Variants in FAT3 observed in about 807,000 individuals in gnomAD.
The protein encoded by FAT3 is protocadherin Fat 3.
Under a neutral mutation model 310.2 loss-of-function variants are expected in FAT3, and 95 were observed. That is an observed-to-expected ratio of 0.31 (90% CI 0.26 to 0.36). The LOEUF (loss-of-function observed/expected upper bound fraction) is 0.36, where lower values mean the gene tolerates loss of function less well. FAT3 is among the 10% of genes least tolerant of loss of function. The probability of loss-of-function intolerance (pLI) is 1.00; values close to 1 mark genes in which losing one functional copy is unlikely to be tolerated. For missense variants in FAT3, 5,408 were observed against 5,715.6 expected (o/e 0.95, Z 1.74); for synonymous variants, 2,314 against 2,192.9 (o/e 1.06, Z -1.54).
chr11:92,284,670 A>G (rs534611197), intron 1 of FAT3, among the ~76,000 whole-genome samples: 1 of 152,098 alleles, frequency 6.6e-6, no homozygotes, highest in South Asian at 2.1e-4. Context: ...TTTTAGATGA[A>G]CTTTGCAGAG....
At chr11:92,262,889 T>A (rs1359469324) in intron 1 of FAT3, among the ~76,000 whole-genome samples, 1 of 152,048 alleles carries the variant, frequency 6.6e-6, no homozygotes, top group Non-Finnish European at 1.5e-5. Flanking sequence ...AATAAAAGAA[T>A]ACAGAATCAT....
chr11:92,716,261 G>A (rs1412786052), intron 4 of FAT3, among the ~76,000 whole-genome samples: 2 of 152,200 alleles, frequency 1.3e-5, no homozygotes, highest in African/African-American at 4.8e-5. Context: ...ATGGATGTCA[G>A]AAGCTGGTGT....
intron 6 of FAT3, 60 bp downstream of exon 6, chr11:92,765,149 GA>G (rs140929549): frequency 0.12 from 114,078 of 941,376 alleles, 449 homozygotes; most frequent in East Asian, 0.3. Flanking sequence ...AAGCAACTAG[GA>G]AAAAAAAAAA....
At chr11:92,574,913 T>G (rs1328052950) in intron 3 of FAT3, among the ~76,000 whole-genome samples, 1 of 152,102 alleles carries the variant, frequency 6.6e-6, no homozygotes, top group Non-Finnish European at 1.5e-5. Flanking sequence ...AGGCTTCCAG[T>G]GTTTCCCTCA....
At chr11:92,437,756 C>T (rs191731177) in intron 2 of FAT3, among the ~76,000 whole-genome samples, 11 of 152,150 alleles carry the variant, frequency 7.2e-5, no homozygotes, top group Admixed American at 3.9e-4. Flanking sequence ...GTGCATGAAT[C>T]GAAGTAGTAA....
chr11:92,411,161 A>AAT (rs1555037831), intron 2 of FAT3, among the ~76,000 whole-genome samples: 11 of 142,802 alleles, frequency 7.7e-5, no homozygotes, highest in African/African-American at 2.8e-4. Context: ...ATATATATAT[A>AAT]ATATATATAT....
chr11:92,695,585 C>T (rs1021415997), intron 3 of FAT3, among the ~76,000 whole-genome samples: 1 of 152,244 alleles, frequency 6.6e-6, no homozygotes. Context: ...AAACACATTC[C>T]AAGTCTGTAG....
At chr11:92,283,218 T>A (rs1291707874) in intron 1 of FAT3, among the ~76,000 whole-genome samples, 1 of 152,150 alleles carries the variant, frequency 6.6e-6, no homozygotes, top group African/African-American at 2.4e-5. Flanking sequence ...ACCATTTTAT[T>A]TCCACTAAAA....
chr11:92,569,032 G>A (rs964111409), intron 3 of FAT3, among the ~76,000 whole-genome samples: 1 of 152,076 alleles, frequency 6.6e-6, no homozygotes, highest in African/African-American at 2.4e-5. Flanking sequence ...TAATTTTGGG[G>A]GGTTGAAAGG....
intron 2 of FAT3, among the ~76,000 whole-genome samples, chr11:92,487,051 G>T (rs1399546459): frequency 6.6e-6 from 1 of 152,186 alleles, no homozygotes; most frequent in African/African-American, 2.4e-5. Flanking sequence ...AACATCTTCT[G>T]CCCCTTATTC....
chr11:92,834,214 A>G (rs1196417249), intron 14 of FAT3, among the ~76,000 whole-genome samples: 4 of 152,146 alleles, frequency 2.6e-5, no homozygotes, highest in African/African-American at 4.8e-5. Flanking sequence ...TATTTAAGCA[A>G]TTCTGTGACA....
At chr11:92,886,912 G>C (rs1246572621) in intron 24 of FAT3, 88 bp from the exon 25 acceptor site, 1 of 1,036,268 alleles carries the variant, frequency 9.7e-7, no homozygotes. Context: ...GCCTCGAGAA[G>C]TGAACTAGCT....
intron 2 of FAT3, among the ~76,000 whole-genome samples, chr11:92,487,670 A>G (rs1952459763): frequency 6.6e-6 from 1 of 152,242 alleles, no homozygotes; most frequent in South Asian, 2.1e-4. Flanking sequence ...TACAATCTAG[A>G]AAATGGCAGA....
chr11:92,581,966 A>G (rs1277995706), intron 3 of FAT3, among the ~76,000 whole-genome samples: 1 of 152,052 alleles, frequency 6.6e-6, no homozygotes, highest in Non-Finnish European at 1.5e-5. Context: ...TGGCTGCTTC[A>G]TAGACAGAGC....
At chr11:92,564,213 CA>C in intron 3 of FAT3, among the ~76,000 whole-genome samples, 1 of 151,424 alleles carries the variant, frequency 6.6e-6, no homozygotes, top group Middle Eastern at 3.4e-3. Context: ...AAATGGAAAA[CA>C]AAAAAAGGCA....
At chr11:92,661,794 A>AT (rs1362363799) in intron 3 of FAT3, among the ~76,000 whole-genome samples, 2 of 152,050 alleles carry the variant, frequency 1.3e-5, no homozygotes, top group Admixed American at 1.3e-4. Context: ...TCAGCATCTA[A>AT]TTTTTTCCTA....
At chr11:92,317,673 C>T (rs1478107324) in intron 1 of FAT3, among the ~76,000 whole-genome samples, 6 of 152,008 alleles carry the variant, frequency 3.9e-5, no homozygotes, top group African/African-American at 1.5e-4. Context: ...GCACTAATAA[C>T]TTTTACAAAG....
At chr11:92,702,615 G>A (rs1445416100) in intron 4 of FAT3, among the ~76,000 whole-genome samples, 1 of 152,094 alleles carries the variant, frequency 6.6e-6, no homozygotes, top group South Asian at 2.1e-4. Flanking sequence ...CACACTGCCA[G>A]TTCCCTTTCT....
At chr11:92,608,425 T>G (rs1940406996) in intron 3 of FAT3, among the ~76,000 whole-genome samples, 1 of 152,140 alleles carries the variant, frequency 6.6e-6, no homozygotes. Context: ...GCTTTCATAT[T>G]GCAATTACTC....
Sources: gnomAD v4.1 joint callset for allele counts (sites outside exome capture counted in the v4.1 genomes callset) on GRCh38, gnomAD v4.1.1 for gene constraint, MANE v1.5 for transcripts, NCBI Gene and HGNC (gene_info 2026-07-23, HGNC 2026-07-21) for gene names.